The following FBXO34 variants were observed in gnomAD, a reference collection of about 807,000 sequenced individuals.
The protein encoded by FBXO34 is F-box only protein 34.
Under a neutral mutation model 24.5 loss-of-function variants are expected in FBXO34, and 12 were observed. The observed-to-expected ratio is 0.49, with a 90% CI of 0.31 to 0.79. The LOEUF is 0.79. FBXO34 is among the 30% of genes least tolerant of loss of function. The pLI is 0.04. For missense variants in FBXO34, 823 were observed against 857.7 expected (o/e 0.96, Z 0.51); for synonymous variants, 320 against 311.9 (o/e 1.03, Z -0.27).
At chr14:55,272,810 C>G (rs891649806) in intron 1 of FBXO34, among the ~76,000 whole-genome samples, 1 of 152,052 alleles carries the variant, frequency 6.6e-6, no homozygotes, top group Non-Finnish European at 1.5e-5. Context: ...TGAGACCCGG[C>G]TATAACTTAA....
the FBXO34 span, among the ~76,000 whole-genome samples, chr14:55,426,741 A>G: frequency 6.6e-6 from 1 of 152,086 alleles, no homozygotes; most frequent in Non-Finnish European, 1.5e-5. Flanking sequence ...AGAAAAGAAA[A>G]GATGACTGAG....
At chr14:55,436,099 C>T in the FBXO34 span, among the ~76,000 whole-genome samples, 1 of 152,078 alleles carries the variant, frequency 6.6e-6, no homozygotes, top group Non-Finnish European at 1.5e-5. Flanking sequence ...AGTGTAAAAT[C>T]CCAAAGTGAA....
chr14:55,282,927 A>G (rs1410334336), intron 1 of FBXO34, among the ~76,000 whole-genome samples: 1 of 152,254 alleles, frequency 6.6e-6, no homozygotes, highest in Non-Finnish European at 1.5e-5. Flanking sequence ...TTTATTGTCC[A>G]GAAACCAGGA....
chr14:55,409,585 C>T, the FBXO34 span, among the ~76,000 whole-genome samples: 1 of 151,950 alleles, frequency 6.6e-6, no homozygotes, highest in Non-Finnish European at 1.5e-5. Context: ...AAGGAGGCAG[C>T]CCTGAAGATT....
downstream of FBXO34, chr14:55,366,582 C>T (rs923935134): frequency 5.2e-5 from 8 of 152,444 alleles, no homozygotes; most frequent in Admixed American, 1.3e-4. Flanking sequence ...ACATGAGTCC[C>T]GTCCACTCTA....
At chr14:55,315,781 A>G (rs1463971991) in intron 1 of FBXO34, among the ~76,000 whole-genome samples, 1 of 152,188 alleles carries the variant, frequency 6.6e-6, no homozygotes, top group Admixed American at 6.5e-5. Context: ...CCTCAGCATT[A>G]GACATTTCAC....
intron 3 of FBXO34, among the ~76,000 whole-genome samples, chr14:55,359,315 T>C (rs1016340960): frequency 6.6e-6 from 1 of 152,132 alleles, no homozygotes; most frequent in African/African-American, 2.4e-5. Context: ...TAGGAGGCCC[T>C]AAATGCACAC....
downstream of FBXO34, chr14:55,369,617 C>T (rs576205797): frequency 3.2e-5 from 49 of 1,511,432 alleles, no homozygotes; most frequent in South Asian, 5.9e-4. Flanking sequence ...GGTCCATGCT[C>T]GTTAACGGTG....
the FBXO34 span, chr14:55,377,744 CT>C: frequency 1.8e-6 from 2 of 1,121,142 alleles, no homozygotes; most frequent in African/African-American, 3.1e-5. Context: ...GAACACGACT[CT>C]ACTATGCCAA....
intron 1 of FBXO34, among the ~76,000 whole-genome samples, chr14:55,301,048 T>C (rs1440683161): frequency 6.6e-6 from 1 of 152,258 alleles, no homozygotes; most frequent in Non-Finnish European, 1.5e-5. Context: ...GAAATGACAG[T>C]GAATTAGAAG....
downstream of FBXO34, among the ~76,000 whole-genome samples, chr14:55,372,194 C>G (rs562118870): frequency 1.3e-5 from 2 of 152,244 alleles, no homozygotes; most frequent in East Asian, 3.9e-4. Context: ...ACCTCCCACT[C>G]TGTCTGGGGT....
chr14:55,352,855 A>G lies in FBXO34; in HGVS notation c.*329A>G, dbSNP rs563300843. ...CCATCCAGGACATTCAGAAGAGTTC[A>G]CTGCAGATGCTGCAGGTAGTCCTCA... On this transcript the variant is annotated 3_prime_UTR_variant, in exon 2 of 2. Coordinates refer to ENST00000313833, the MANE Select transcript of FBXO34 (RefSeq NM_017943.4). 1 of 235,636 alleles carries G rather than the reference A, an allele frequency of 4.2e-6. No homozygotes were observed. Among genetic ancestry groups the G allele is most frequent in the African/African-American group, 2.3e-5 (1 of 44,082 alleles). 14.6% of individuals were successfully genotyped at this position (235,636 alleles called of 1,614,324 possible). A position where few individuals can be genotyped will look rare whatever the true frequency, so the allele number is the denominator to read the frequency against.
chr14:55,359,860 G>T (rs918208473), intron 3 of FBXO34, among the ~76,000 whole-genome samples: 7 of 150,520 alleles, frequency 4.7e-5, no homozygotes, highest in African/African-American at 1.7e-4. Context: ...TGGGAGGGCT[G>T]CTTGAGCCCA....
chr14:55,409,882 G>A, the FBXO34 span, among the ~76,000 whole-genome samples: 1 of 152,256 alleles, frequency 6.6e-6, no homozygotes, highest in African/African-American at 2.4e-5. Flanking sequence ...AGGGGAGCAA[G>A]GACGGAAGCA....
the FBXO34 span, among the ~76,000 whole-genome samples, chr14:55,392,147 C>A: frequency 6.6e-6 from 1 of 152,138 alleles, no homozygotes; most frequent in Non-Finnish European, 1.5e-5. Flanking sequence ...CTAGATCCCT[C>A]GCATGTGCAG....
At chr14:55,428,950 T>G in the FBXO34 span, 1 of 1,614,148 alleles carries the variant, frequency 6.2e-7, no homozygotes. Flanking sequence ...CATATTTTCT[T>G]GCTGCAAGTC....
chr14:55,395,811 G>A, the FBXO34 span: 4 of 522,302 alleles, frequency 7.7e-6, no homozygotes, highest in South Asian at 8.9e-5. Context: ...AGAAAGCCAC[G>A]CTACAAGTGG....
chr14:55,320,235 G>A (rs892436939), intron 1 of FBXO34, among the ~76,000 whole-genome samples: 7 of 152,132 alleles, frequency 4.6e-5, no homozygotes, highest in African/African-American at 1.4e-4. Context: ...GGTTTGGGGA[G>A]AATTATGATA....
At chr14:55,411,086 C>T in the FBXO34 span, among the ~76,000 whole-genome samples, 2 of 152,178 alleles carry the variant, frequency 1.3e-5, no homozygotes, top group African/African-American at 4.8e-5. Context: ...GGGGCGTTAA[C>T]AGCAAGCCTC....
Sources: gnomAD v4.1 joint callset for allele counts (sites outside exome capture counted in the v4.1 genomes callset) on GRCh38, gnomAD v4.1.1 for gene constraint, MANE v1.5 for transcripts, NCBI Gene and HGNC (gene_info 2026-07-23, HGNC 2026-07-21) for gene names.